Variants in HLCS observed in about 807,000 individuals in gnomAD.
HLCS encodes the protein holocarboxylase synthetase, also known as biotin--protein ligase.
A neutral mutation model predicts 75.0 loss-of-function variants in HLCS; 53 were observed. That is an observed-to-expected ratio of 0.71 (90% CI 0.57 to 0.89). The LOEUF (loss-of-function observed/expected upper bound fraction) is 0.89. Among genes scored for constraint, HLCS ranks in the 40% least tolerant of loss-of-function variants. HLCS has a pLI of 0.00. For synonymous variants in HLCS, 431 were observed against 428.6 expected (o/e 1.01, Z -0.07); for missense variants, 966 against 1,074.0 (o/e 0.90, Z 1.41).
intron 5 of HLCS, among the ~76,000 whole-genome samples, chr21:36,906,770 A>G (rs2065474387): frequency 6.6e-6 from 1 of 152,134 alleles, no homozygotes; most frequent in African/African-American, 2.4e-5. Context: ...AAAAGTTGGA[A>G]AACCTACATT....
At chr21:36,821,781 C>T (rs1172884193) in intron 6 of HLCS, among the ~76,000 whole-genome samples, 2 of 152,174 alleles carry the variant, frequency 1.3e-5, no homozygotes, top group Non-Finnish European at 2.9e-5. Context: ...AGCGATTATC[C>T]TGAAACTGAC....
At chr21:36,770,940 C>T (rs1026337410) in intron 6 of HLCS, among the ~76,000 whole-genome samples, 1 of 152,202 alleles carries the variant, frequency 6.6e-6, no homozygotes, top group Admixed American at 6.5e-5. Flanking sequence ...AGACAATTGG[C>T]CGGGCGTGGT....
At chr21:36,832,459 A>C (rs948510096) in intron 6 of HLCS, among the ~76,000 whole-genome samples, 1 of 152,214 alleles carries the variant, frequency 6.6e-6, no homozygotes, top group Non-Finnish European at 1.5e-5. Flanking sequence ...ATGAAACAGT[A>C]AAGTACAAGA....
chr21:36,848,085 T>C (rs943297814), intron 6 of HLCS, among the ~76,000 whole-genome samples: 1 of 152,140 alleles, frequency 6.6e-6, no homozygotes, highest in African/African-American at 2.4e-5. Flanking sequence ...GCGACGAACA[T>C]CCACATATAT....
chr21:36,941,613 A>T (rs2067145341), intron 2 of HLCS, among the ~76,000 whole-genome samples: 1 of 152,264 alleles, frequency 6.6e-6, no homozygotes, highest in Non-Finnish European at 1.5e-5. Context: ...ATGGTGGCTC[A>T]TGCCTGTAAT....
At chr21:36,919,218 T>G (rs1237786235) in intron 5 of HLCS, among the ~76,000 whole-genome samples, 1 of 152,222 alleles carries the variant, frequency 6.6e-6, no homozygotes, top group Non-Finnish European at 1.5e-5. Context: ...AAGAATTCAC[T>G]CATTATTTAT....
At chr21:36,865,003 A>G (rs914758106) in intron 6 of HLCS, among the ~76,000 whole-genome samples, 3 of 152,152 alleles carry the variant, frequency 2.0e-5, no homozygotes, top group African/African-American at 7.2e-5. Flanking sequence ...TTCTGACACC[A>G]ATATTTCATG....
At chr21:36,793,671 T>C (rs886627894) in intron 6 of HLCS, among the ~76,000 whole-genome samples, 1 of 152,130 alleles carries the variant, frequency 6.6e-6, no homozygotes, top group Non-Finnish European at 1.5e-5. Context: ...GCTGGTAGGA[T>C]CAACTGTTAT....
chr21:36,847,087 C>T (rs370434241), intron 6 of HLCS, among the ~76,000 whole-genome samples: 1 of 152,176 alleles, frequency 6.6e-6, no homozygotes, highest in Non-Finnish European at 1.5e-5. Context: ...ATGTTAGAAA[C>T]GCCACCACAG....
At position 36,947,643 on chromosome 21, in the gene HLCS, T is replaced by C. The variant is rs987815902; in HGVS notation, c.331-8649A>G. On this transcript the variant is annotated intron_variant, in intron 2 of 10. Coordinates refer to ENST00000674895, the MANE Select transcript of HLCS (RefSeq NM_001352514.2). ...TATAATAGCAGCCAGCAGAAATCTG[T>C]TAAGTAACTAAAGCTCTTGACTTGA... The C allele has an allele frequency of 4.1e-6, 4 of 985,326 alleles. No individual in the cohort carries two copies. In the African/African-American group the frequency reaches 5.2e-5, roughly 13 times the overall value. 61.0% of individuals were successfully genotyped at this position (985,326 alleles called of 1,614,324 possible). A position where few individuals can be genotyped will look rare whatever the true frequency, so the allele number is the denominator to read the frequency against.
At chr21:36,984,465 G>A (rs1569277073) in intron 1 of HLCS, among the ~76,000 whole-genome samples, 1 of 152,182 alleles carries the variant, frequency 6.6e-6, no homozygotes, top group Non-Finnish European at 1.5e-5. Flanking sequence ...AGTGACAAAT[G>A]GGAGAATCTG....
chr21:36,819,813 G>A (rs896901401), intron 6 of HLCS, among the ~76,000 whole-genome samples: 4 of 152,094 alleles, frequency 2.6e-5, no homozygotes, highest in African/African-American at 7.2e-5. Context: ...TAAAGAAACA[G>A]TGCAGGGGAA....
chr21:36,904,027 C>T (rs989989677), intron 5 of HLCS, among the ~76,000 whole-genome samples: 2 of 152,110 alleles, frequency 1.3e-5, no homozygotes, highest in African/African-American at 4.8e-5. Context: ...AAGGCCCTCA[C>T]TAGATGCTGG....
intron 6 of HLCS, among the ~76,000 whole-genome samples, chr21:36,885,222 C>T (rs1271439769): frequency 1.3e-5 from 2 of 152,192 alleles, no homozygotes; most frequent in Non-Finnish European, 2.9e-5. Context: ...AAAACACCTA[C>T]CACACCAGGC....
At chr21:36,866,940 G>A (rs968322682) in intron 6 of HLCS, among the ~76,000 whole-genome samples, 1 of 151,870 alleles carries the variant, frequency 6.6e-6, no homozygotes, top group African/African-American at 2.4e-5. Flanking sequence ...CCTTTTGGGG[G>A]ATGATGGAAA....
intron 1 of HLCS, among the ~76,000 whole-genome samples, chr21:36,983,263 T>A (rs144179961): frequency 0.017 from 2,594 of 151,888 alleles, 69 homozygotes; most frequent in African/African-American, 0.058. Flanking sequence ...CAAGCTGGAG[T>A]GCAGAAGCAC....
intron 5 of HLCS, among the ~76,000 whole-genome samples, chr21:36,914,557 C>T (rs1014996619): frequency 3.3e-5 from 5 of 152,124 alleles, no homozygotes; most frequent in South Asian, 4.1e-4. Context: ...TGCCAACTAG[C>T]GAAGACCACA....
At chr21:36,924,672 G>T (rs2066324014) in intron 5 of HLCS, among the ~76,000 whole-genome samples, 1 of 152,176 alleles carries the variant, frequency 6.6e-6, no homozygotes, top group Non-Finnish European at 1.5e-5. Flanking sequence ...ACTTATCAGG[G>T]TCACTATGAG....
chr21:36,886,603 T>A (rs1330092954), intron 6 of HLCS, among the ~76,000 whole-genome samples: 1 of 152,044 alleles, frequency 6.6e-6, no homozygotes, highest in African/African-American at 2.4e-5. Context: ...ATGCTTCAAG[T>A]TGTCCAATAG....
Sources: gnomAD v4.1 joint callset for allele counts (sites outside exome capture counted in the v4.1 genomes callset) on GRCh38, gnomAD v4.1.1 for gene constraint, MANE v1.5 for transcripts, NCBI Gene and HGNC (gene_info 2026-07-23, HGNC 2026-07-21) for gene names.